Variants in NXPE2 observed in about 807,000 individuals in gnomAD.
The protein encoded by NXPE2 is NXPE family member 2.
In NXPE2, 34 loss-of-function variants were observed where a neutral mutation model predicts 34.4. The ratio of observed to expected loss-of-function variants is 0.99; its 90% CI spans 0.75 to 1.31. The LOEUF (loss-of-function observed/expected upper bound fraction) is 1.31. NXPE2 is among the 40% of genes most tolerant of loss of function. The pLI is 0.00. For missense variants in NXPE2, 649 were observed against 672.5 expected (o/e 0.97, Z 0.39); for synonymous variants, 235 against 231.3 (o/e 1.02, Z -0.15).
At chr11:114,526,022 C>G in the NXPE2 span, among the ~76,000 whole-genome samples, 1 of 152,186 alleles carries the variant, frequency 6.6e-6, no homozygotes, top group Non-Finnish European at 1.5e-5. Flanking sequence ...TAGGCCCAAT[C>G]TAATGTCATT....
the NXPE2 span, among the ~76,000 whole-genome samples, chr11:114,733,250 C>G: frequency 4.6e-5 from 7 of 152,224 alleles, no homozygotes; most frequent in Admixed American, 2.6e-4. Context: ...CCCACCAACA[C>G]GCCCGGCTAA....
chr11:114,781,034 C>T, the NXPE2 span, among the ~76,000 whole-genome samples: 1 of 152,156 alleles, frequency 6.6e-6, no homozygotes. Context: ...CCAGGGGAGA[C>T]TTACGAGGTA....
chr11:114,727,640 C>T, the NXPE2 span, among the ~76,000 whole-genome samples: 1 of 151,950 alleles, frequency 6.6e-6, no homozygotes, highest in Non-Finnish European at 1.5e-5. Flanking sequence ...TCCTTCCTCT[C>T]CTTACTCAAG....
chr11:114,592,048 T>C, the NXPE2 span, among the ~76,000 whole-genome samples: 1 of 152,118 alleles, frequency 6.6e-6, no homozygotes, highest in African/African-American at 2.4e-5. Flanking sequence ...AAAACATGTA[T>C]AACAAATCCA....
the NXPE2 span, among the ~76,000 whole-genome samples, chr11:114,769,581 A>G: frequency 3.3e-5 from 5 of 152,206 alleles, no homozygotes; most frequent in Non-Finnish European, 5.9e-5. Flanking sequence ...TCAATGATAG[A>G]CTGGATAAAG....
At chr11:114,582,157 C>T in the NXPE2 span, 5 of 948,386 alleles carry the variant, frequency 5.3e-6, no homozygotes, top group African/African-American at 6.6e-5. Flanking sequence ...AATGAATTCA[C>T]AGATCCTTTC....
the NXPE2 span, among the ~76,000 whole-genome samples, chr11:114,650,220 G>A: frequency 1.3e-5 from 2 of 152,164 alleles, no homozygotes; most frequent in African/African-American, 4.8e-5. Flanking sequence ...TTCATCTTTG[G>A]TAGAGCACAG....
the NXPE2 span, among the ~76,000 whole-genome samples, chr11:114,773,284 C>CA: frequency 1.4e-3 from 119 of 83,864 alleles, 7 homozygotes; most frequent in Non-Finnish European, 2.6e-3. Context: ...CTCCCACCCC[C>CA]CCCCCACCCC....
the NXPE2 span, among the ~76,000 whole-genome samples, chr11:114,643,294 C>T: frequency 6.6e-6 from 1 of 152,062 alleles, no homozygotes; most frequent in Non-Finnish European, 1.5e-5. Flanking sequence ...ACTTTTGTTG[C>T]CACTGCTTTT....
the NXPE2 span, chr11:114,527,804 C>G: frequency 6.7e-7 from 1 of 1,498,618 alleles, no homozygotes; most frequent in Non-Finnish European, 9.1e-7. Flanking sequence ...AAAGTTTCCT[C>G]TGAGCATCAC....
the NXPE2 span, among the ~76,000 whole-genome samples, chr11:114,603,850 C>A: frequency 4.0e-3 from 614 of 151,808 alleles, 3 homozygotes; most frequent in Non-Finnish European, 5.0e-3. Context: ...ATAAGTATTG[C>A]CTCCTCTCCT....
the NXPE2 span, among the ~76,000 whole-genome samples, chr11:114,567,148 T>C: frequency 6.6e-6 from 1 of 152,166 alleles, no homozygotes; most frequent in Non-Finnish European, 1.5e-5. Flanking sequence ...AAGCAATCTT[T>C]TGGCAACCTT....
chr11:114,667,796 C>T, the NXPE2 span, among the ~76,000 whole-genome samples: 8 of 152,088 alleles, frequency 5.3e-5, no homozygotes, highest in African/African-American at 1.9e-4. Flanking sequence ...AGATGATGAG[C>T]GTATCTCCAG....
At chr11:114,704,265 A>T (rs1623090) in intron 4 of NXPE2, among the ~76,000 whole-genome samples, 58,640 of 152,032 alleles carry the variant, frequency 0.39, 12,356 homozygotes, top group South Asian at 0.49. Context: ...CAGATATAAA[A>T]GGCTAGGGAA....
the NXPE2 span, among the ~76,000 whole-genome samples, chr11:114,748,552 GAC>G: frequency 6.6e-6 from 1 of 152,180 alleles, no homozygotes; most frequent in Admixed American, 6.5e-5. Context: ...CACTTTTGAA[GAC>G]TACAGACCAG....
At chr11:114,761,487 C>A in the NXPE2 span, among the ~76,000 whole-genome samples, 1 of 151,912 alleles carries the variant, frequency 6.6e-6, no homozygotes, top group Non-Finnish European at 1.5e-5. Context: ...AAGTTAGAGG[C>A]AGGCCCTGGT....
At chr11:114,731,456 C>A in the NXPE2 span, among the ~76,000 whole-genome samples, 48 of 152,062 alleles carry the variant, frequency 3.2e-4, no homozygotes, top group Non-Finnish European at 3.2e-4. Flanking sequence ...GATAATAACC[C>A]AAACTGGAAA....
the NXPE2 span, among the ~76,000 whole-genome samples, chr11:114,629,660 G>A: frequency 2.0e-5 from 3 of 152,048 alleles, no homozygotes; most frequent in Admixed American, 2.0e-4. Flanking sequence ...AGTGTTGGAA[G>A]TTCTGGCCAG....
chr11:114,487,544 C>G, the NXPE2 span, among the ~76,000 whole-genome samples: 1 of 152,100 alleles, frequency 6.6e-6, no homozygotes, highest in Non-Finnish European at 1.5e-5. Flanking sequence ...CTAGGACTTC[C>G]CATCCTATGT....
Sources: gnomAD v4.1 joint callset for allele counts (sites outside exome capture counted in the v4.1 genomes callset) on GRCh38, gnomAD v4.1.1 for gene constraint, MANE v1.5 for transcripts, NCBI Gene and HGNC (gene_info 2026-07-23, HGNC 2026-07-21) for gene names.